The following GMDS variants were observed in gnomAD, a reference collection of about 807,000 sequenced individuals.
GMDS encodes GDP-mannose 4,6-dehydratase, also known as GDP-mannose 4,6 dehydratase.
A neutral mutation model predicts 49.9 loss-of-function variants in GMDS; 20 were observed. The observed-to-expected ratio is 0.40, with a 90% CI of 0.28 to 0.58. The LOEUF (loss-of-function observed/expected upper bound fraction) is 0.58. GMDS is among the 20% of genes least tolerant of loss of function. The pLI, the probability that GMDS is intolerant of heterozygous loss-of-function variation, is 0.42. For missense variants in GMDS, 362 were observed against 481.4 expected, an observed-to-expected ratio of 0.75 and a Z score of 2.32; for synonymous variants, 177 against 178.6, an observed-to-expected ratio of 0.99 and a Z score of 0.07.
At chr6:2,195,100 AATTTTAAAAC>A (rs1461593551) in intron 1 of GMDS, among the ~76,000 whole-genome samples, 1 of 152,254 alleles carries the variant, frequency 6.6e-6, no homozygotes, top group African/African-American at 2.4e-5. Flanking sequence ...AAATCATAGT[AATTTTAAAAC>A]ACATGCTTAA....
chr6:1,935,040 T>C (rs1201675502), intron 6 of GMDS, among the ~76,000 whole-genome samples: 1 of 152,234 alleles, frequency 6.6e-6, no homozygotes, highest in Non-Finnish European at 1.5e-5. Context: ...TGAATTATTA[T>C]AGCACATGTG....
intron 9 of GMDS, among the ~76,000 whole-genome samples, chr6:1,658,204 G>A (rs1339847737): frequency 6.6e-6 from 1 of 152,202 alleles, no homozygotes; most frequent in Non-Finnish European, 1.5e-5. Flanking sequence ...CCTACTGAAG[G>A]TGTCCACAGC....
chr6:2,066,009 G>A (rs1220282626), intron 4 of GMDS, among the ~76,000 whole-genome samples: 1 of 152,146 alleles, frequency 6.6e-6, no homozygotes. Context: ...AAATGTTAAG[G>A]ACAGTCAGAG....
intron 1 of GMDS, among the ~76,000 whole-genome samples, chr6:2,153,811 C>T (rs926097402): frequency 7.9e-5 from 12 of 151,988 alleles, no homozygotes; most frequent in East Asian, 1.9e-4. Flanking sequence ...CAAAAATGTA[C>T]GACAAGTTAT....
At chr6:1,815,417 T>G (rs1770615122) in intron 7 of GMDS, among the ~76,000 whole-genome samples, 1 of 152,200 alleles carries the variant, frequency 6.6e-6, no homozygotes, top group South Asian at 2.1e-4. Flanking sequence ...TACTGCTAAG[T>G]TCTAAACGAA....
intron 4 of GMDS, among the ~76,000 whole-genome samples, chr6:1,976,029 T>C (rs1764879399): frequency 6.6e-6 from 1 of 152,092 alleles, no homozygotes. Flanking sequence ...GGAAATACAG[T>C]GGCTAGTATA....
chr6:1,704,018 A>G (rs1477513161), intron 9 of GMDS, among the ~76,000 whole-genome samples: 1 of 152,214 alleles, frequency 6.6e-6, no homozygotes, highest in Non-Finnish European at 1.5e-5. Flanking sequence ...AGGCTCATTC[A>G]TCACCCTATT....
intron 9 of GMDS, among the ~76,000 whole-genome samples, chr6:1,687,688 G>C (rs150791449): frequency 6.6e-6 from 1 of 152,176 alleles, no homozygotes; most frequent in Non-Finnish European, 1.5e-5. Context: ...AAGAACGTGA[G>C]GGGGGTTCAG....
chr6:1,805,851 G>A (rs1770154016), intron 7 of GMDS, among the ~76,000 whole-genome samples: 1 of 152,164 alleles, frequency 6.6e-6, no homozygotes, highest in Non-Finnish European at 1.5e-5. Flanking sequence ...CTGTCAAGAG[G>A]AGTTCTGAGA....
chr6:1,863,954 A>G (rs1436845782), intron 7 of GMDS, among the ~76,000 whole-genome samples: 1 of 152,150 alleles, frequency 6.6e-6, no homozygotes, highest in East Asian at 1.9e-4. Context: ...TTTCAAACAA[A>G]TTAGCCAATA....
chr6:2,183,941 A>C (rs1368628037), intron 1 of GMDS, among the ~76,000 whole-genome samples: 2 of 152,238 alleles, frequency 1.3e-5, no homozygotes, highest in African/African-American at 4.8e-5. Flanking sequence ...TGTACACTTA[A>C]TAGACTACAG....
chr6:2,149,508 T>A (rs533338045), intron 1 of GMDS, among the ~76,000 whole-genome samples: 1 of 152,296 alleles, frequency 6.6e-6, no homozygotes, highest in African/African-American at 2.4e-5. Flanking sequence ...TTCAGCCACC[T>A]GAACCTAGGT....
At chr6:1,653,004 G>T (rs1430914307) in intron 9 of GMDS, among the ~76,000 whole-genome samples, 1 of 151,192 alleles carries the variant, frequency 6.6e-6, no homozygotes, top group Non-Finnish European at 1.5e-5. Context: ...AGTCACCCAG[G>T]TCTCCGACCC....
At chr6:1,846,860 T>A (rs115187970) in intron 7 of GMDS, among the ~76,000 whole-genome samples, 276 of 152,310 alleles carry the variant, frequency 1.8e-3, no homozygotes, top group African/African-American at 6.3e-3. Flanking sequence ...ATGTATCAAA[T>A]ATATCACTGT....
chr6:1,928,455 T>G (rs1762130894), intron 7 of GMDS, among the ~76,000 whole-genome samples: 2 of 152,200 alleles, frequency 1.3e-5, no homozygotes, highest in South Asian at 4.1e-4. Context: ...TAGATATTAT[T>G]GAGAAAATAA....
At chr6:2,048,101 A>T (rs139748154) in intron 4 of GMDS, among the ~76,000 whole-genome samples, 2 of 152,346 alleles carry the variant, frequency 1.3e-5, no homozygotes, top group Non-Finnish European at 2.9e-5. Context: ...CTCACGTGCT[A>T]ACAGTCTCTG....
intron 7 of GMDS, among the ~76,000 whole-genome samples, chr6:1,780,764 G>A (rs1182508986): frequency 6.6e-6 from 1 of 152,212 alleles, no homozygotes; most frequent in Non-Finnish European, 1.5e-5. Context: ...CCTAGTGCCT[G>A]GTGAGATGTC....
chr6:1,740,901 A>G (rs193215034), intron 8 of GMDS, among the ~76,000 whole-genome samples: 89 of 152,320 alleles, frequency 5.8e-4, no homozygotes, highest in Admixed American at 4.6e-3. Context: ...TTTCCTGCAC[A>G]AAGTTTTCAT....
chr6:2,075,042 T>C (rs886095477), intron 4 of GMDS, among the ~76,000 whole-genome samples: 2 of 152,246 alleles, frequency 1.3e-5, no homozygotes, highest in African/African-American at 2.4e-5. Context: ...TTGATTACTA[T>C]AGTCTTGAAA....
Sources: gnomAD v4.1 joint callset for allele counts (sites outside exome capture counted in the v4.1 genomes callset) on GRCh38, gnomAD v4.1.1 for gene constraint, MANE v1.5 for transcripts, NCBI Gene and HGNC (gene_info 2026-07-23, HGNC 2026-07-21) for gene names.